NARS2: variants seen among roughly 807,000 people sequenced by gnomAD.
The protein encoded by NARS2 is asparaginyl-tRNA synthetase 2, mitochondrial, also known as asparaginyl-tRNA synthetase.
In NARS2, 60 loss-of-function variants were observed where a neutral mutation model predicts 62.9. The ratio of observed to expected loss-of-function variants is 0.95; its 90% CI spans 0.77 to 1.18. The LOEUF (loss-of-function observed/expected upper bound fraction) is 1.18, where lower values mean the gene tolerates loss of function less well. NARS2 is among the 50% of genes most tolerant of loss of function. The pLI, the probability that NARS2 is intolerant of heterozygous loss-of-function variation, is 0.00. For synonymous variants in NARS2, 196 were observed against 200.0 expected, an observed-to-expected ratio of 0.98 and a Z score of 0.17; for missense variants, 619 against 576.4, an observed-to-expected ratio of 1.07 and a Z score of -0.76.
intron 5 of NARS2, among the ~76,000 whole-genome samples, chr11:78,549,644 G>A (rs929622498): frequency 2.0e-5 from 3 of 152,164 alleles, no homozygotes; most frequent in African/African-American, 4.8e-5. Context: ...GTATAAATTT[G>A]ATTGGATCAG....
chr11:78,558,762 G>C (rs1226689140), intron 5 of NARS2, among the ~76,000 whole-genome samples: 2 of 152,144 alleles, frequency 1.3e-5, no homozygotes, highest in South Asian at 4.2e-4. Context: ...AGCCTTCATG[G>C]GATGAACAAA....
At chr11:78,504,614 T>C (rs1387130637) in intron 6 of NARS2, among the ~76,000 whole-genome samples, 1 of 152,204 alleles carries the variant, frequency 6.6e-6, no homozygotes, top group Non-Finnish European at 1.5e-5. Context: ...GGCAATTTTT[T>C]CTAAAGGAGC....
intron 6 of NARS2, among the ~76,000 whole-genome samples, chr11:78,516,884 A>C (rs1860931902): frequency 6.6e-6 from 1 of 152,238 alleles, no homozygotes; most frequent in Non-Finnish European, 1.5e-5. Context: ...AGCTATAAAG[A>C]AATAAACCAA....
chr11:78,517,353 G>T (rs1860951218), intron 6 of NARS2, among the ~76,000 whole-genome samples: 2 of 152,156 alleles, frequency 1.3e-5, no homozygotes. Flanking sequence ...AGTTTAAGGT[G>T]CTTGTTCCTC....
intron 3 of NARS2, 88 bp downstream of exon 3, chr11:78,568,544 G>T: frequency 7.0e-7 from 1 of 1,418,980 alleles, no homozygotes; most frequent in Non-Finnish European, 9.5e-7. Flanking sequence ...TATATTCTAA[G>T]TTTCATCTTC....
chr11:78,553,626 A>C (rs926746170), intron 5 of NARS2, among the ~76,000 whole-genome samples: 1 of 152,098 alleles, frequency 6.6e-6, no homozygotes, highest in African/African-American at 2.4e-5. Context: ...TTTCTCTTCT[A>C]AGTAAGTTCC....
chr11:78,539,574 G>C (rs1185649025), intron 5 of NARS2, among the ~76,000 whole-genome samples: 1 of 152,208 alleles, frequency 6.6e-6, no homozygotes, highest in African/African-American at 2.4e-5. Context: ...CTCAGAAACA[G>C]AACCTGGAGA....
chr11:78,445,441 T>C (rs924312805), intron 11 of NARS2, among the ~76,000 whole-genome samples: 1 of 151,790 alleles, frequency 6.6e-6, no homozygotes, highest in Non-Finnish European at 1.5e-5. Flanking sequence ...GCCAACCTAG[T>C]GAAACCCCCT....
chr11:78,476,424 G>A (rs1027454953), intron 9 of NARS2, among the ~76,000 whole-genome samples: 4 of 152,210 alleles, frequency 2.6e-5, no homozygotes, highest in African/African-American at 9.6e-5. Context: ...GTGCCAAGGG[G>A]AATCTTCTGT....
chr11:78,564,745 CA>C (rs1289246419), intron 4 of NARS2, among the ~76,000 whole-genome samples: 1 of 152,244 alleles, frequency 6.6e-6, no homozygotes, highest in Non-Finnish European at 1.5e-5. Flanking sequence ...AGCTGCATAG[CA>C]AAGTTTCTGA....
intron 13 of NARS2, among the ~76,000 whole-genome samples, chr11:78,438,141 TTAA>T (rs1379340834): frequency 6.6e-6 from 1 of 152,132 alleles, no homozygotes; most frequent in African/African-American, 2.4e-5. Context: ...TTCCCCACCA[TTAA>T]TAATAATGGC....
Position 78,571,444 on chromosome 11 carries a change from C to T in NARS2, c.142G>A (p.Gly48Arg), listed in dbSNP as rs1307333332. Residue 48 changes from glycine (G) to arginine (R), a missense_variant and splice_region_variant, in exon 2 of 14, where the codon GGA (glycine) becomes AGA (arginine). Coordinates refer to ENST00000281038, the MANE Select transcript of NARS2 (RefSeq NM_024678.6). ...NASGERIKIQ[G>R]WIRSVRSQKE... ...TGGGATCGGACAGAACGAATCCATC[C>T]CTAAGGAAGAGAAATATTTCCAATG... 2.5e-6 allele frequency: 4 copies of T among 1,601,918 alleles called. No homozygotes were observed. The South Asian group carries it at 3.3e-5, about 13-fold the overall frequency.
chr11:78,568,613 A>G lies in NARS2; in HGVS notation c.372+19T>C, dbSNP rs201844919. 1.9e-6 allele frequency: 3 copies of G among 1,609,208 alleles called. No homozygotes were observed. The highest frequency in any genetic ancestry group is 2.7e-5 in the African/African-American group (2 of 74,826). On this transcript the variant is annotated intron_variant, in intron 3 of 13. Coordinates refer to ENST00000281038, the MANE Select transcript of NARS2 (RefSeq NM_024678.6). The stretch of plus-strand genomic sequence containing the variant: ...AATTAAAGCCTAAACAGCCTCCACA[A>G]AAGTGTCAGAAATCATACCTTGGCA...
chr11:78,447,140 CTGAGT>C lies in NARS2; in HGVS notation c.1165-3387_1165-3383del, dbSNP rs1857791298. ...TAAGAAAATGAAAAATAAAACCACA[CTGAGT>C]TATCACTTCACACCTGTTAGTGTTT... is the stretch of plus-strand genomic sequence containing the variant. On this transcript the variant is annotated intron_variant, in intron 11 of 13. Coordinates refer to ENST00000281038, the MANE Select transcript of NARS2 (RefSeq NM_024678.6). 3.3e-5 allele frequency among the ~76,000 whole-genome samples: 5 copies of C among 151,008 alleles called. No individual in the cohort carries two copies. The South Asian group carries it at 1.0e-3, about 31-fold the overall frequency.
chr11:78,559,558 CCAGCTCCCT>C lies in NARS2; in HGVS notation c.566_574del (p.Glu189_Ala191del). On this transcript the variant is annotated inframe_deletion, in exon 5 of 14. Transcript: ENST00000281038. ...ACTTACTTCAAGTTGAAAAAGTTCT[CCAGCTCCCT>C]CAGAGTCATTGGATGTGATTATTGG... The C allele has an allele frequency of 6.2e-7, 1 of 1,612,472 alleles. No individual in the cohort carries two copies. The highest frequency in any genetic ancestry group is 8.5e-7 in the Non-Finnish European group (1 of 1,178,872).
At chr11:78,453,411 T>C (rs1016403718) in intron 11 of NARS2, among the ~76,000 whole-genome samples, 1 of 152,102 alleles carries the variant, frequency 6.6e-6, no homozygotes, top group Non-Finnish European at 1.5e-5. Flanking sequence ...TTCTGACTCT[T>C]TGATTCCAAT....
chr11:78,524,976 T>G (rs572097018), intron 6 of NARS2, among the ~76,000 whole-genome samples: 1 of 152,100 alleles, frequency 6.6e-6, no homozygotes, highest in Non-Finnish European at 1.5e-5. Context: ...ACAAATGAGC[T>G]ATCCAGCCAT....
chr11:78,470,882 ATTTT>A (rs67863152), intron 9 of NARS2, among the ~76,000 whole-genome samples: 7 of 135,162 alleles, frequency 5.2e-5, no homozygotes, highest in South Asian at 2.3e-4. Flanking sequence ...AGTATTTTGG[ATTTT>A]TTTTTTTTTT....
intron 6 of NARS2, among the ~76,000 whole-genome samples, chr11:78,524,923 A>C (rs1861243433): frequency 6.6e-6 from 1 of 152,156 alleles, no homozygotes; most frequent in African/African-American, 2.4e-5. Context: ...TGAACTGATA[A>C]ATTGTGTTAC....
Sources: allele counts gnomAD v4.1 joint callset (sites outside exome capture counted in the v4.1 genomes callset), GRCh38; gene constraint gnomAD v4.1.1; transcripts MANE v1.5; gene names NCBI Gene and HGNC (gene_info 2026-07-23, HGNC 2026-07-21).